VPS13C: variants seen among roughly 807,000 people sequenced by gnomAD.
The protein encoded by VPS13C is vacuolar protein sorting 13 homolog C.
VPS13C carries 358 observed loss-of-function variants against 456.8 expected under a neutral mutation model. The ratio of observed to expected loss-of-function variants is 0.78; its 90% CI spans 0.72 to 0.86. The LOEUF is 0.86. Among genes scored for constraint, VPS13C ranks in the 40% least tolerant of loss-of-function variants. The probability of loss-of-function intolerance (pLI) is 0.00; values close to 1 mark genes in which losing one functional copy is unlikely to be tolerated. For missense variants in VPS13C, 4,818 were observed against 4,385.4 expected (o/e 1.10, Z -2.79); for synonymous variants, 1,578 against 1,486.7 (o/e 1.06, Z -1.41).
chr15:61,984,910 C>G lies in VPS13C; in HGVS notation c.1668G>C (p.Gln556His), dbSNP rs759659462. The G allele has an allele frequency of 1.9e-6, 3 of 1,612,754 alleles. No individual in the cohort carries two copies. In the Admixed American group the frequency reaches 5.0e-5, roughly 27 times the overall value. ...NKNIPEILKIQIIGLGTQVSQ... is the reference protein window; with the variant it reads ...NKNIPEILKIHIIGLGTQVSQ... ...ATACTTGAGTGCCCAGGCCAATTAT[C>G]TGAATTTTTAGTATTTCTGGAATAT... The change falls in exon 19 of 85, where the codon CAG (glutamine) becomes CAC (histidine). Residue 556 changes from glutamine to histidine, a missense_variant. By Grantham distance (24) the Gln-to-His change is conservative. Transcript: ENST00000644861.
At position 61,972,777 on chromosome 15, in the gene VPS13C, G is replaced by C. The variant is rs745571743; in HGVS notation, c.2618-13C>G. On this transcript the variant is annotated splice_polypyrimidine_tract_variant and intron_variant, in intron 26 of 84. Coordinates refer to ENST00000644861, the MANE Select transcript of VPS13C (RefSeq NM_020821.3). ...TCATCATCAGACTCTAAAGGAAAAA[G>C]ACATTTATTTGATCTGAGACAATGT... 1 of 1,601,058 alleles carries C rather than the reference G, an allele frequency of 6.2e-7. No individual in the cohort carries two copies. Among genetic ancestry groups the C allele is most frequent in the South Asian group, 1.1e-5 (1 of 89,586 alleles).
At chr15:62,057,701 T>A (rs1377089633) in intron 1 of VPS13C, among the ~76,000 whole-genome samples, 1 of 152,170 alleles carries the variant, frequency 6.6e-6, no homozygotes, top group Admixed American at 6.5e-5. Flanking sequence ...TTCTAAAAAT[T>A]TAAAAATGAG....
chr15:61,957,125 GAACA>G (rs1184258632), intron 37 of VPS13C, among the ~76,000 whole-genome samples: 2 of 151,914 alleles, frequency 1.3e-5, no homozygotes, highest in Admixed American at 6.6e-5. Context: ...GAAATAAAAA[GAACA>G]AACTACTCCT....
intron 37 of VPS13C, among the ~76,000 whole-genome samples, chr15:61,955,806 GAA>G (rs1374303556): frequency 1.3e-5 from 2 of 152,034 alleles, no homozygotes; most frequent in Non-Finnish European, 2.9e-5. Context: ...AATATCTATT[GAA>G]AAGTCAAAAA....
At chr15:61,961,568 A>G (rs200339475) in intron 35 of VPS13C, 21 bp downstream of exon 35, 1 of 1,521,252 alleles carries the variant, frequency 6.6e-7, no homozygotes, top group African/African-American at 1.4e-5. Flanking sequence ...ATTTAAATCC[A>G]TAATTATTGA....
At chr15:62,027,728 A>G (rs2047683189) in intron 6 of VPS13C, among the ~76,000 whole-genome samples, 1 of 152,130 alleles carries the variant, frequency 6.6e-6, no homozygotes, top group Non-Finnish European at 1.5e-5. Flanking sequence ...AAAATACTAA[A>G]AAGTATTATT....
At chr15:61,904,759 G>C (rs542295443) in intron 66 of VPS13C, among the ~76,000 whole-genome samples, 2 of 152,126 alleles carry the variant, frequency 1.3e-5, no homozygotes, top group African/African-American at 4.8e-5. Flanking sequence ...AATGGATAAA[G>C]AAAATGTGCT....
intron 60 of VPS13C, 81 bp downstream of exon 60, chr15:61,917,260 C>A: frequency 7.0e-7 from 1 of 1,418,460 alleles, no homozygotes; most frequent in South Asian, 1.4e-5. Flanking sequence ...AAAACACTGA[C>A]CTCACTTAAA....
chr15:61,883,188 T>G (rs1896002957), intron 68 of VPS13C, among the ~76,000 whole-genome samples: 1 of 150,458 alleles, frequency 6.6e-6, no homozygotes, highest in African/African-American at 2.4e-5. Context: ...GCCCAGCTAA[T>G]TTTAATTTTA....
intron 20 of VPS13C, 64 bp downstream of exon 20, chr15:61,983,756 A>G: frequency 6.7e-7 from 1 of 1,498,442 alleles, no homozygotes; most frequent in Non-Finnish European, 9.0e-7. Flanking sequence ...AGGAGAAATA[A>G]GAAAACAGTA....
chr15:61,871,620 T>C (rs992689629), intron 79 of VPS13C, among the ~76,000 whole-genome samples: 3 of 152,154 alleles, frequency 2.0e-5, no homozygotes, highest in Non-Finnish European at 2.9e-5. Context: ...AATTTTGGAC[T>C]TGGCTTGTCA....
rs1377917406 is a variant in VPS13C at position 61,908,985 on chromosome 15, C to G, written c.8978+7G>C. 4 of 1,603,074 alleles carry G rather than the reference C, an allele frequency of 2.5e-6. No homozygotes were observed. Among genetic ancestry groups the G allele is most frequent in the Middle Eastern group, 1.7e-4 (1 of 6,006 alleles). On this transcript the variant is annotated splice_region_variant and intron_variant, in intron 65 of 84. Transcript: ENST00000644861. Reference sequence around the variant, plus strand: ...AAGTATTTCCCATTAACCCTTTTTTCTCATACCTCTGTTTGTATGTGAGGA... The same window carrying G: ...AAGTATTTCCCATTAACCCTTTTTTGTCATACCTCTGTTTGTATGTGAGGA...
chr15:61,972,569 G>A, intron 27 of VPS13C, 56 bp downstream of exon 27: 2 of 1,579,248 alleles, frequency 1.3e-6, no homozygotes, highest in Non-Finnish European at 8.6e-7. Context: ...CTTGAGGATA[G>A]CTTACAAGAT....
chr15:62,015,161 G>A (rs542249741), intron 9 of VPS13C, among the ~76,000 whole-genome samples: 1 of 152,078 alleles, frequency 6.6e-6, no homozygotes, highest in African/African-American at 2.4e-5. Flanking sequence ...ACAGTTTTCT[G>A]GAACAATTCT....
intron 6 of VPS13C, among the ~76,000 whole-genome samples, chr15:62,026,537 C>T (rs2047647110): frequency 6.6e-6 from 1 of 152,014 alleles, no homozygotes; most frequent in African/African-American, 2.4e-5. Flanking sequence ...AGTTCCTTTT[C>T]CTTGAAGTGG....
chr15:62,048,893 A>C (rs1019883245), intron 1 of VPS13C, among the ~76,000 whole-genome samples: 3 of 152,102 alleles, frequency 2.0e-5, no homozygotes, highest in African/African-American at 7.2e-5. Flanking sequence ...TGGCTGCATA[A>C]ATGTCTTCTT....
In VPS13C at chr15:61,890,247, T is replaced by C; in HGVS notation, c.9259A>G (p.Ile3087Val). 1.2e-6 allele frequency: 2 copies of C among 1,614,134 alleles called. No individual in the cohort carries two copies. The highest frequency in any genetic ancestry group is 1.7e-6 in the Non-Finnish European group (2 of 1,180,024). The part of the protein sequence containing the change: ...AEEMEQADYE[I>V]TLSLHSLGLS... ...CCAAGACTGTGGAGAGACAAGGTTATTTCATAATCAGCCTGTTCCATTTCT... is the reference window on the plus strand; with the variant it reads ...CCAAGACTGTGGAGAGACAAGGTTACTTCATAATCAGCCTGTTCCATTTCT... Residue 3087 changes from isoleucine (I) to valine (V), a missense_variant, in exon 67 of 85, where the codon ATA (isoleucine) becomes GTA (valine). This residue lies in a region of VPS13C where 4,552 missense variants were observed against 4,130.6 expected (regional missense o/e 1.10). Transcript: ENST00000644861.
chr15:61,956,838 T>C (rs966328367), intron 37 of VPS13C, among the ~76,000 whole-genome samples: 10 of 152,280 alleles, frequency 6.6e-5, no homozygotes, highest in Admixed American at 2.0e-4. Flanking sequence ...CTCTCATACA[T>C]TGCTGCTAGG....
rs143747124 is a variant in VPS13C, at chr15:61,909,670, T to C, written c.8844+507A>G. Among the ~76,000 whole-genome samples the C allele has an allele frequency of 6.9e-4, 105 of 152,320 alleles. 2 individuals carry two copies. The highest frequency in any genetic ancestry group is 6.6e-3 in the East Asian group (34 of 5,184). On this transcript the variant is annotated intron_variant, in intron 64 of 84. Transcript: ENST00000644861. ...AGCAAATTTTAAAAATCAAAGACAT[T>C]TTATTTTAAAATATGAAAACTTCAT...
Sources: allele counts gnomAD v4.1 joint callset (sites outside exome capture counted in the v4.1 genomes callset), GRCh38; gene constraint gnomAD v4.1.1; regional missense constraint gnomAD v4.1.1; transcripts MANE v1.5; gene names NCBI Gene and HGNC (gene_info 2026-07-23, HGNC 2026-07-21).